Variants in PTPRG observed in about 807,000 individuals in gnomAD.
PTPRG encodes the protein receptor-type tyrosine-protein phosphatase gamma.
In PTPRG, 102 loss-of-function variants were observed where a neutral mutation model predicts 165.3. That is an observed-to-expected ratio of 0.62 (90% confidence interval 0.53 to 0.73). PTPRG has a LOEUF of 0.73. PTPRG is among the 30% of genes least tolerant of loss of function. The pLI is 0.00. For synonymous variants in PTPRG, 675 were observed against 669.5 expected (o/e 1.01, Z -0.13); for missense variants, 1,866 against 1,861.4 (o/e 1.00, Z -0.05).
Position 62,292,484 on chromosome 3 carries a change from T to C in PTPRG, c.4119T>C (p.Asn1373=). Residue 1373 remains asparagine, a synonymous_variant, in exon 29 of 30, where the codon AAT becomes AAC. Coordinates refer to ENST00000474889, the MANE Select transcript of PTPRG (RefSeq NM_002841.4). The part of the protein sequence containing the change: ...ALTTLSQQLE[N]ENAVDVFQVA... ...CCACCCTGTCCCAGCAACTGGAGAATGAAAATGCTGTGGATGTTTTCCAGG... is the reference window on the plus strand; with the variant it reads ...CCACCCTGTCCCAGCAACTGGAGAACGAAAATGCTGTGGATGTTTTCCAGG... 6 of 1,613,714 alleles carry C rather than the reference T, an allele frequency of 3.7e-6. No individual in the cohort carries two copies. The South Asian group carries it at 5.5e-5, about 15-fold the overall frequency.
At chr3:61,943,765 G>A (rs368225697) in intron 2 of PTPRG, among the ~76,000 whole-genome samples, 15 of 152,250 alleles carry the variant, frequency 9.9e-5, no homozygotes, top group East Asian at 9.7e-4. Context: ...GAGTCACTTA[G>A]TGTGGGTCCC....
chr3:62,007,993 G>T (rs984291744), intron 4 of PTPRG, among the ~76,000 whole-genome samples: 1 of 152,176 alleles, frequency 6.6e-6, no homozygotes, highest in Non-Finnish European at 1.5e-5. Context: ...AACAAACTCA[G>T]AATATTCCAG....
At position 62,229,382 on chromosome 3, in the gene PTPRG, G is replaced by A. The variant is rs1700841814; in HGVS notation, c.2289-1843G>A. Among the ~76,000 whole-genome samples the A allele has an allele frequency of 6.6e-6, 1 of 152,224 alleles. No individual in the cohort carries two copies. Among genetic ancestry groups the A allele is most frequent in the Non-Finnish European group, 1.5e-5 (1 of 68,038 alleles). On this transcript the variant is annotated intron_variant, in intron 13 of 29. Transcript: ENST00000474889. The surrounding 1 kb of genome is among the most constrained non-coding windows in gnomAD (Gnocchi z 4.6). ...CTTTCAGAATTCACGAGAGCTGTCAGTTGTTATAGTAACCGGCCCCCTGCT... is the reference window on the plus strand; with the variant it reads ...CTTTCAGAATTCACGAGAGCTGTCAATTGTTATAGTAACCGGCCCCCTGCT...
chr3:62,268,256 C>A (rs895909209), intron 19 of PTPRG, among the ~76,000 whole-genome samples: 41 of 151,924 alleles, frequency 2.7e-4, no homozygotes, highest in African/African-American at 9.4e-4. Context: ...TTGGGGGAAG[C>A]AAAAATTGCC....
At chr3:61,633,573 G>T (rs1394398651) in intron 1 of PTPRG, among the ~76,000 whole-genome samples, 2 of 152,162 alleles carry the variant, frequency 1.3e-5, no homozygotes, top group Non-Finnish European at 2.9e-5. Flanking sequence ...TATGATCTCT[G>T]ATAGTATTTT....
chr3:61,769,809 C>G (rs1443466120), intron 2 of PTPRG: 2 of 151,974 alleles, frequency 1.3e-5, no homozygotes, highest in Non-Finnish European at 2.9e-5. Flanking sequence ...CTTGAACTGT[C>G]CTTTTGTTTT....
At chr3:62,018,436 C>T (rs1030161435) in intron 4 of PTPRG, among the ~76,000 whole-genome samples, 1 of 152,186 alleles carries the variant, frequency 6.6e-6, no homozygotes, top group African/African-American at 2.4e-5. Context: ...CCCACAATGT[C>T]AGCAGGAACT....
intron 2 of PTPRG, among the ~76,000 whole-genome samples, chr3:61,831,038 C>A (rs2036275660): frequency 6.6e-6 from 1 of 152,186 alleles, no homozygotes; most frequent in Non-Finnish European, 1.5e-5. Context: ...TTAGCTTGTA[C>A]TGTCTGATAT....
intron 1 of PTPRG, among the ~76,000 whole-genome samples, chr3:61,722,083 A>G (rs2032070029): frequency 6.6e-6 from 1 of 152,140 alleles, no homozygotes; most frequent in African/African-American, 2.4e-5. Context: ...TGAGTAATTT[A>G]TAAGGCACAG....
At chr3:61,989,880 A>G (rs2040843898) in intron 3 of PTPRG, 76 bp downstream of exon 3, 1 of 1,510,462 alleles carries the variant, frequency 6.6e-7, no homozygotes, top group Non-Finnish European at 9.0e-7. Context: ...TTCCTTAACC[A>G]TGACTTGCTC....
chr3:62,035,232 C>A (rs1027120619), intron 4 of PTPRG, among the ~76,000 whole-genome samples: 8 of 152,204 alleles, frequency 5.3e-5, no homozygotes, highest in African/African-American at 1.9e-4. Context: ...AAGAAAGTAA[C>A]ATGAATTCAT....
intron 6 of PTPRG, among the ~76,000 whole-genome samples, chr3:62,135,109 C>CA (rs906385727): frequency 2.0e-5 from 3 of 150,886 alleles, no homozygotes; most frequent in African/African-American, 4.9e-5. Flanking sequence ...CTTGTCTCTA[C>CA]AAAAAAATAC....
In PTPRG at chr3:61,600,198, G is replaced by A. The variant is rs1237973838; in HGVS notation, c.85+37826G>A. The stretch of plus-strand genomic sequence containing the variant: ...AATATATATATATATATATATGTGT[G>A]TGTGTGTGTGTGTGTGTGTAAAATA... On this transcript the variant is annotated intron_variant, in intron 1 of 29. Coordinates refer to ENST00000474889, the MANE Select transcript of PTPRG (RefSeq NM_002841.4). Among the ~76,000 whole-genome samples, 6 of 149,300 alleles carry A rather than the reference G, an allele frequency of 4.0e-5. No individual in the cohort carries two copies. The East Asian group carries it at 9.8e-4, about 24-fold the overall frequency.
At chr3:61,975,002 C>A (rs756236655) in intron 2 of PTPRG, among the ~76,000 whole-genome samples, 3 of 152,212 alleles carry the variant, frequency 2.0e-5, no homozygotes, top group Non-Finnish European at 1.5e-5. Context: ...AGCCATCTCT[C>A]TGAGTTTGAA....
chr3:62,106,387 C>T (rs1311651361), intron 5 of PTPRG, among the ~76,000 whole-genome samples: 2 of 152,242 alleles, frequency 1.3e-5, no homozygotes, highest in Admixed American at 6.5e-5. Context: ...GATCAGAGTG[C>T]GGGATCTCTT....
At chr3:62,048,269 T>G (rs943373136) in intron 4 of PTPRG, among the ~76,000 whole-genome samples, 1 of 152,206 alleles carries the variant, frequency 6.6e-6, no homozygotes, top group Non-Finnish European at 1.5e-5. Context: ...AGGCAGTGTC[T>G]ACACAAGCCA....
intron 2 of PTPRG, among the ~76,000 whole-genome samples, chr3:61,802,576 A>G (rs955532937): frequency 2.6e-5 from 4 of 152,236 alleles, no homozygotes; most frequent in Non-Finnish European, 4.4e-5. Flanking sequence ...GGATAACTGT[A>G]TGCATTCTCA....
At chr3:61,945,492 G>A (rs1477459146) in intron 2 of PTPRG, among the ~76,000 whole-genome samples, 1 of 148,200 alleles carries the variant, frequency 6.7e-6, no homozygotes, top group Non-Finnish European at 1.5e-5. Context: ...CCGGAAGGTG[G>A]CGGTTGCAGT....
intron 4 of PTPRG, among the ~76,000 whole-genome samples, chr3:62,053,761 C>T (rs78457222): frequency 3.3e-5 from 5 of 152,108 alleles, no homozygotes; most frequent in Admixed American, 3.3e-4. Flanking sequence ...GATTTTTTCT[C>T]ATCTAAATGT....
Sources: allele counts gnomAD v4.1 joint callset (sites outside exome capture counted in the v4.1 genomes callset), GRCh38; gene constraint gnomAD v4.1.1; non-coding constraint Gnocchi (gnomAD v3.1); transcripts MANE v1.5; gene names NCBI Gene and HGNC (gene_info 2026-07-23, HGNC 2026-07-21).